Variants in PIP4P1 observed in about 807,000 individuals in gnomAD.
PIP4P1 encodes type 1 phosphatidylinositol 4,5-bisphosphate 4-phosphatase.
PIP4P1 carries 14 observed loss-of-function variants against 32.3 expected under a neutral mutation model. The observed-to-expected ratio is 0.43, with a 90% CI of 0.29 to 0.68. PIP4P1 has a LOEUF of 0.68. Ranked by LOEUF, PIP4P1 falls within the 30% of genes least tolerant of loss-of-function variation. PIP4P1 has a pLI of 0.15. For synonymous variants in PIP4P1, 132 were observed against 137.9 expected, an observed-to-expected ratio of 0.96 and a Z score of 0.30; for missense variants, 289 against 364.5, an observed-to-expected ratio of 0.79 and a Z score of 1.69.
intron 3 of PIP4P1, chr14:20,459,976 C>A (rs1594419317): frequency 4.8e-6 from 3 of 618,754 alleles, no homozygotes; most frequent in East Asian, 5.5e-5. Flanking sequence ...CACCCAGTCC[C>A]CAAGGCTCTC....
At chr14:20,460,067 T>A in intron 3 of PIP4P1, 125 bp downstream of exon 3, 3 of 751,224 alleles carry the variant, frequency 4.0e-6, no homozygotes, top group African/African-American at 1.7e-5. Flanking sequence ...CTGAGGCACA[T>A]GCTTCAAAGC....
Position 20,460,718 on chromosome 14 carries a change from G to A in PIP4P1, c.270C>T (p.Leu90=). ...PMITCRVCQS[L]INVEGKMHQH... ...GATGCATCTTGCCTTCCACGTTGAT[G>A]AGAGATTGGCAGACTCGGCAGGTGA... The change falls in exon 2 of 7, where the codon CTC becomes CTT. Residue 90 remains leucine, a synonymous_variant. Coordinates refer to ENST00000250489, the MANE Select transcript of PIP4P1 (RefSeq NM_144568.4). 1 of 1,614,084 alleles carries A rather than the reference G, an allele frequency of 6.2e-7. No homozygotes were observed. Among genetic ancestry groups the A allele is most frequent in the Non-Finnish European group, 8.5e-7 (1 of 1,180,008 alleles).
intron 6 of PIP4P1, 162 bp from the exon 7 acceptor site, chr14:20,458,864 C>T: frequency 1.2e-6 from 1 of 841,858 alleles, no homozygotes; most frequent in East Asian, 2.7e-5. Flanking sequence ...AGCTGATCAG[C>T]TTCCTTCCCT....
intron 3 of PIP4P1, 142 bp from the exon 4 acceptor site, chr14:20,459,875 C>T (rs1392454419): frequency 1.5e-6 from 1 of 663,904 alleles, no homozygotes; most frequent in South Asian, 1.9e-5. Context: ...GATACTCTGT[C>T]CCCCAACTGT....
At chr14:20,460,628 C>A (rs371036002) in intron 2 of PIP4P1, 27 bp downstream of exon 2, 39 of 1,607,814 alleles carry the variant, frequency 2.4e-5, no homozygotes, top group Non-Finnish European at 1.9e-5. Context: ...GGAAACAGGG[C>A]CCATTTCATA....
intron 6 of PIP4P1, 56 bp downstream of exon 6, chr14:20,459,150 C>G: frequency 5.7e-6 from 9 of 1,566,374 alleles, no homozygotes; most frequent in Non-Finnish European, 7.0e-6. Flanking sequence ...TTTCCCAAAT[C>G]TTAGCCTATG....
Position 20,460,789 on chromosome 14 carries a change from G to A in PIP4P1, c.199C>T (p.Pro67Ser). ...TCCGGGCTAGTTAAGGGTGAATAGG[G>A]GGGTGGGTCCTCCCCAGGCAACACG... ...PAVLPGEDPP[P>S]YSPLTSPDSG... The change falls in exon 2 of 7, where the codon CCC becomes TCC. Residue 67 changes from proline (P) to serine (S), a missense_variant. Transcript: ENST00000250489. 1.2e-6 allele frequency: 2 copies of A among 1,601,076 alleles called. No homozygotes were observed. Among genetic ancestry groups the A allele is most frequent in the Non-Finnish European group, 1.7e-6 (2 of 1,174,158 alleles).
At position 20,459,270 on chromosome 14, in the gene PIP4P1, C is replaced by T. The variant is rs764296974; in HGVS notation, c.626G>A (p.Arg209His). The change falls in exon 6 of 7, where the codon CGT (arginine) becomes CAT (histidine). Residue 209 changes from arginine (R) to histidine (H), a missense_variant. Around this residue, in one of 2 missense-constraint regions of PIP4P1, gnomAD observed 181 missense variants for 263.3 expected, o/e 0.69. Coordinates refer to ENST00000250489, the MANE Select transcript of PIP4P1 (RefSeq NM_144568.4). ...CAAGAAGCAGCAGATACATCTCTTA[C>T]GTGGGTATCTGCGCCCAATAGATGA... ...KVSSIGRRYP[R>H]KRCICCFLLG... 4.3e-6 allele frequency: 7 copies of T among 1,614,120 alleles called. No homozygotes were observed. The highest frequency in any genetic ancestry group is 3.3e-5 in the Admixed American group (2 of 59,998).
intron 1 of PIP4P1, 111 bp downstream of exon 1, chr14:20,461,073 G>A (rs1368612117): frequency 3.2e-6 from 4 of 1,267,204 alleles, no homozygotes; most frequent in South Asian, 2.9e-5. Context: ...TCCCGCACCT[G>A]GCGACTGGGA....
chr14:20,458,608 A>G lies in PIP4P1; in HGVS notation c.785T>C (p.Leu262Pro), dbSNP rs1369095148. The change falls in exon 7 of 7, where the codon CTT (leucine) becomes CCT (proline). Residue 262 changes from leucine (L) to proline (P), a missense_variant. Physicochemically the swap from Leu to Pro is moderately conservative, Grantham distance 98. Around this residue, in one of 2 missense-constraint regions of PIP4P1, gnomAD observed 181 missense variants for 263.3 expected, o/e 0.69. Coordinates refer to ENST00000250489, the MANE Select transcript of PIP4P1 (RefSeq NM_144568.4). ...GCTGACCTTCATACAGGCCCAATAA[A>G]GAGCCCGGCCCAAACACAGCACAGC... ...LLAVLCLGRA[L>P]YWACMKVSHP... 3 of 1,614,088 alleles carry G rather than the reference A, an allele frequency of 1.9e-6. No homozygotes were observed. The highest frequency in any genetic ancestry group is 2.5e-6 in the Non-Finnish European group (3 of 1,180,044).
chr14:20,458,880 G>C, intron 6 of PIP4P1, 178 bp from the exon 7 acceptor site: 1 of 733,722 alleles, frequency 1.4e-6, no homozygotes, highest in South Asian at 1.9e-5. Context: ...TCCCTTAGGC[G>C]TAACATACTC....
chr14:20,458,319 T>C lies in PIP4P1; in HGVS notation c.*240A>G. 2.9e-6 allele frequency: 2 copies of C among 688,404 alleles called. No homozygotes were observed. Among genetic ancestry groups the C allele is most frequent in the Non-Finnish European group, 2.6e-6 (1 of 380,238 alleles). The allele number at this position is 688,404 out of a possible 1,614,324, so 42.6% of individuals were successfully genotyped here. ...GGGCCCAGTTTTAAGGGCAACGTTT[T>C]GCCTACTTCACCCTAGACACAGCAA... is the stretch of plus-strand genomic sequence containing the variant. On this transcript the variant is annotated 3_prime_UTR_variant, in exon 7 of 7. Transcript: ENST00000250489.
chr14:20,460,521 T>C (rs1421174918), intron 2 of PIP4P1, 134 bp downstream of exon 2: 6 of 948,486 alleles, frequency 6.3e-6, no homozygotes, highest in African/African-American at 3.3e-5. Flanking sequence ...AATGGCTGTG[T>C]GAGACACCTG....
Position 20,457,814 on chromosome 14 carries a change from C to T in PIP4P1, c.*745G>A. ...ACCCCTTCGTGGGGCTACACATTCT[C>T]TTCCTCATATTTTCATGCACACAAG... On this transcript the variant is annotated 3_prime_UTR_variant, in exon 7 of 7. Transcript: ENST00000250489. 2.3e-6 allele frequency: 1 copy of T among 435,142 alleles called. No individual in the cohort carries two copies. Among genetic ancestry groups the T allele is most frequent in the Non-Finnish European group, 4.2e-6 (1 of 235,768 alleles). The allele number at this position is 435,142 out of a possible 1,614,324, so 27.0% of individuals were successfully genotyped here.
intron 6 of PIP4P1, chr14:20,458,939 G>A (rs1269533054): frequency 1.6e-6 from 1 of 633,344 alleles, no homozygotes; most frequent in East Asian, 2.8e-5. Context: ...TGACAACTGA[G>A]CCAGGTTTGA....
intron 2 of PIP4P1, 137 bp from the exon 3 acceptor site, chr14:20,460,435 A>G: frequency 1.3e-6 from 1 of 770,046 alleles, no homozygotes; most frequent in Non-Finnish European, 2.1e-6. Context: ...ATATCATGAG[A>G]TTTGCAAATA....
In PIP4P1 at chr14:20,458,370, C is replaced by T. The variant is rs1394914427; in HGVS notation, c.*189G>A. ...CCCTTGGAGGAAAGCAGATGGTCAGCAGTGCTCTTATCTGCCCCTCCAAAC... is the reference window on the plus strand; with the variant it reads ...CCCTTGGAGGAAAGCAGATGGTCAGTAGTGCTCTTATCTGCCCCTCCAAAC... On this transcript the variant is annotated 3_prime_UTR_variant, in exon 7 of 7. Transcript: ENST00000250489. The T allele has an allele frequency of 3.8e-6, 3 of 796,488 alleles. No individual in the cohort carries two copies. The highest frequency in any genetic ancestry group is 2.7e-5 in the East Asian group (1 of 37,508). 49.3% of individuals were successfully genotyped at this position (796,488 alleles called of 1,614,324 possible).
chr14:20,459,118 C>T, intron 6 of PIP4P1, 88 bp downstream of exon 6: 2 of 1,400,044 alleles, frequency 1.4e-6, no homozygotes, highest in Non-Finnish European at 2.0e-6. Context: ...CAAGTTTCTT[C>T]CACTTTTTTT....
At chr14:20,459,050 G>T in intron 6 of PIP4P1, 156 bp downstream of exon 6, 1 of 740,326 alleles carries the variant, frequency 1.4e-6, no homozygotes, top group Non-Finnish European at 2.2e-6. Context: ...AAGTCTGTTT[G>T]ATCAGCCACT....
Sources: allele counts gnomAD v4.1 joint callset, GRCh38; gene constraint gnomAD v4.1.1; regional missense constraint gnomAD v4.1.1; transcripts MANE v1.5; gene names NCBI Gene and HGNC (gene_info 2026-07-23, HGNC 2026-07-21).